Variants in NFKBIL1 observed in about 807,000 individuals in gnomAD.
The protein encoded by NFKBIL1 is NFKB inhibitor like 1.
In NFKBIL1, 30 loss-of-function variants were observed where a neutral mutation model predicts 45.4. The ratio of observed to expected loss-of-function variants is 0.66; its 90% CI spans 0.49 to 0.90. The LOEUF is 0.90. NFKBIL1 is among the 40% of genes least tolerant of loss of function. The pLI, the probability that NFKBIL1 is intolerant of heterozygous loss-of-function variation, is 0.00. For missense variants in NFKBIL1, 434 were observed against 513.4 expected (o/e 0.85, Z 1.49); for synonymous variants, 179 against 197.3 (o/e 0.91, Z 0.78).
At chr6:31,556,895 G>A in intron 2 of NFKBIL1, 1 of 376,788 alleles carries the variant, frequency 2.7e-6, no homozygotes, top group South Asian at 1.9e-5. Context: ...ATGGCCCAGA[G>A]TAGAGCATTC....
At chr6:31,550,712 G>A (rs1769383793) in intron 2 of NFKBIL1, among the ~76,000 whole-genome samples, 1 of 152,032 alleles carries the variant, frequency 6.6e-6, no homozygotes, top group Admixed American at 6.6e-5. Context: ...TTTTTGAGAT[G>A]GAGTTTCCCT....
rs1341213869 is a variant in NFKBIL1 at position 31,551,545 on chromosome 6, G to A, written c.334+3106G>A. ...TCCTCTGCCAGCCCTGCCACCAGATGGCCTTCTAACTCCTTGGTTGAAAGG... is the reference window on the plus strand; with the variant it reads ...TCCTCTGCCAGCCCTGCCACCAGATAGCCTTCTAACTCCTTGGTTGAAAGG... On this transcript the variant is annotated intron_variant, in intron 2 of 3. Coordinates refer to ENST00000376148, the MANE Select transcript of NFKBIL1 (RefSeq NM_005007.4). Among the ~76,000 whole-genome samples, 4 of 152,108 alleles carry A rather than the reference G, an allele frequency of 2.6e-5. No homozygotes were observed. In the South Asian group the frequency reaches 8.3e-4, roughly 31 times the overall value.
intron 2 of NFKBIL1, chr6:31,556,905 C>T: frequency 2.8e-6 from 1 of 360,336 alleles, no homozygotes; most frequent in Admixed American, 3.2e-5. Context: ...GTAGAGCATT[C>T]AGATATTTTC....
At chr6:31,556,733 G>A (rs776863789) in intron 2 of NFKBIL1, 3 of 457,084 alleles carry the variant, frequency 6.6e-6, no homozygotes, top group Non-Finnish European at 1.3e-5. Flanking sequence ...CTCTGCCGCC[G>A]GCCATAGTTG....
intron 2 of NFKBIL1, chr6:31,556,662 C>G: frequency 2.2e-6 from 1 of 457,182 alleles, no homozygotes; most frequent in Non-Finnish European, 4.4e-6. Flanking sequence ...GGGTGAGACC[C>G]TCTGTCACAC....
chr6:31,550,930 G>A (rs117997480), intron 2 of NFKBIL1, among the ~76,000 whole-genome samples: 4,728 of 152,266 alleles, frequency 0.031, 155 homozygotes, highest in Admixed American at 0.1. Flanking sequence ...CAGGTGACCT[G>A]CCAGCCTAGC....
At chr6:31,548,086 A>G (rs1769190431) in intron 1 of NFKBIL1, 77 bp from the exon 2 acceptor site, 1 of 1,584,026 alleles carries the variant, frequency 6.3e-7, no homozygotes, top group Non-Finnish European at 8.6e-7. Context: ...GGGAGAAACA[A>G]CAGGGGATGT....
rs1769897725 is a variant in NFKBIL1 at position 31,558,362 on chromosome 6, T to C, written c.897T>C (p.Asp299=). The change falls in exon 4 of 4, where the codon GAT becomes GAC. Residue 299 remains aspartate (D), a synonymous_variant. Coordinates refer to ENST00000376148, the MANE Select transcript of NFKBIL1 (RefSeq NM_005007.4). This position sits in a 1 kb window ranked among gnomAD's most constrained non-coding sequence, Gnocchi z 7.2. The stretch of plus-strand genomic sequence containing the variant: ...GGGGCAGCCTCTGGCGATTTGGTGA[T>C]GTGCCCTGGCCCTGCCCTGGGGGAG... ...AGRGSLWRFG[D]VPWPCPGGGD... is the part of the protein sequence containing the mutation. The C allele has an allele frequency of 1.9e-6, 3 of 1,550,302 alleles. No homozygotes were observed. Among genetic ancestry groups the C allele is most frequent in the Non-Finnish European group, 2.6e-6 (3 of 1,144,938 alleles).
chr6:31,554,337 A>G (rs2150365075), intron 2 of NFKBIL1, among the ~76,000 whole-genome samples: 1 of 152,270 alleles, frequency 6.6e-6, no homozygotes, highest in Admixed American at 6.5e-5. Context: ...GCTTGAGCCC[A>G]GGTGGGGCAG....
chr6:31,548,024 T>G, intron 1 of NFKBIL1, 139 bp from the exon 2 acceptor site: 1 of 1,168,876 alleles, frequency 8.6e-7, no homozygotes, highest in Non-Finnish European at 1.2e-6. Flanking sequence ...AGGATCAGGG[T>G]TAGGTTAGGC....
chr6:31,552,998 C>G (rs1485749224), intron 2 of NFKBIL1, among the ~76,000 whole-genome samples: 1 of 151,364 alleles, frequency 6.6e-6, no homozygotes, highest in East Asian at 1.9e-4. Context: ...GCCACCGCGC[C>G]AGGCCTAAAG....
chr6:31,556,212 G>A (rs948257983), intron 2 of NFKBIL1, among the ~76,000 whole-genome samples: 4 of 112,080 alleles, frequency 3.6e-5, no homozygotes, highest in African/African-American at 7.4e-5. Context: ...GGTCACAGCA[G>A]CACTAGGGAG....
chr6:31,546,973 G>C (rs1046026316), upstream of NFKBIL1: 5 of 191,336 alleles, frequency 2.6e-5, no homozygotes, highest in African/African-American at 7.0e-5. The surrounding 1 kb of genome is among the most constrained non-coding windows in gnomAD (Gnocchi z 4.1). Context: ...GCGGTGAAAA[G>C]GTAAGGATGT....
At chr6:31,552,508 C>T (rs966314612) in intron 2 of NFKBIL1, among the ~76,000 whole-genome samples, 1 of 150,570 alleles carries the variant, frequency 6.6e-6, no homozygotes, top group Non-Finnish European at 1.5e-5. Context: ...AGGATGGTCT[C>T]GATCTCTTGA....
Position 31,557,767 on chromosome 6 carries a change from T to C in NFKBIL1, c.474T>C (p.Asp158=). 1 of 1,612,968 alleles carries C rather than the reference T, an allele frequency of 6.2e-7. No individual in the cohort carries two copies. Among genetic ancestry groups the C allele is most frequent in the Non-Finnish European group, 8.5e-7 (1 of 1,179,340 alleles). The change falls in exon 3 of 4, where the codon GAT becomes GAC. Residue 158 remains aspartate (D), a synonymous_variant. Transcript: ENST00000376148. The surrounding 1 kb of genome is among the most constrained non-coding windows in gnomAD (Gnocchi z 5.4). Reference sequence around the variant, plus strand: ...CTGCTGAAGAGGAGGAAGAAGATGATGCCTCCAAGGAGCGGGAATGGAGAC... The same window carrying C: ...CTGCTGAAGAGGAGGAAGAAGATGACGCCTCCAAGGAGCGGGAATGGAGAC... ...WDSAEEEEED[D]ASKEREWRQK...
chr6:31,552,999 A>C (rs1769522420), intron 2 of NFKBIL1, among the ~76,000 whole-genome samples: 1 of 147,872 alleles, frequency 6.8e-6, no homozygotes, highest in Admixed American at 6.7e-5. Flanking sequence ...CCACCGCGCC[A>C]GGCCTAAAGG....
Position 31,558,277 on chromosome 6 carries a change from A to T in NFKBIL1, c.812A>T (p.Asp271Val). ...RARRAQEALG[D>V]REPKPTRAGP... ...AGGAGGGCGCAGGAGGCTCTAGGGG[A>T]CCGAGAACCCAAGCCAACCAGGGCC... The change falls in exon 4 of 4, where the codon GAC (aspartate) becomes GTC (valine). Residue 271 changes from aspartate (D) to valine (V), a missense_variant. Coordinates refer to ENST00000376148, the MANE Select transcript of NFKBIL1 (RefSeq NM_005007.4). This position sits in a 1 kb window ranked among gnomAD's most constrained non-coding sequence, Gnocchi z 7.2. The T allele has an allele frequency of 6.3e-7, 1 of 1,586,944 alleles. No individual in the cohort carries two copies. Among genetic ancestry groups the T allele is most frequent in the Non-Finnish European group, 8.6e-7 (1 of 1,166,670 alleles).
chr6:31,554,827 A>C (rs1035034400), intron 2 of NFKBIL1, among the ~76,000 whole-genome samples: 1 of 152,232 alleles, frequency 6.6e-6, no homozygotes, highest in Non-Finnish European at 1.5e-5. Flanking sequence ...TTTGAAACAA[A>C]GTCTATCGAT....
chr6:31,547,643 A>T lies in NFKBIL1; in HGVS notation c.-52A>T. Reference sequence around the variant, plus strand: ...TCCCGTCTCCGAGCTTCTTAAACACAGGCCTTGGGCCTACGGCTCTGGGGG... The same window carrying T: ...TCCCGTCTCCGAGCTTCTTAAACACTGGCCTTGGGCCTACGGCTCTGGGGG... On this transcript the variant is annotated 5_prime_UTR_variant, in exon 1 of 4. Transcript: ENST00000376148. 2 of 1,367,306 alleles carry T rather than the reference A, an allele frequency of 1.5e-6. No individual in the cohort carries two copies. Among genetic ancestry groups the T allele is most frequent in the Non-Finnish European group, 2.0e-6 (2 of 980,556 alleles). The allele number at this position is 1,367,306 out of a possible 1,614,324, so 84.7% of individuals were successfully genotyped here.
Sources: allele counts gnomAD v4.1 joint callset (sites outside exome capture counted in the v4.1 genomes callset), GRCh38; gene constraint gnomAD v4.1.1; non-coding constraint Gnocchi (gnomAD v3.1); transcripts MANE v1.5; gene names NCBI Gene and HGNC (gene_info 2026-07-23, HGNC 2026-07-21).